The following MCUB variants were observed in gnomAD, a reference collection of about 807,000 sequenced individuals.
The protein encoded by MCUB is mitochondrial calcium uniporter dominant negative subunit beta.
A neutral mutation model predicts 41.4 loss-of-function variants in MCUB; 46 were observed. The ratio of observed to expected loss-of-function variants is 1.11; its 90% confidence interval spans 0.88 to 1.42. The LOEUF (loss-of-function observed/expected upper bound fraction) is 1.42. Among genes scored for constraint, MCUB ranks in the 40% most tolerant of loss-of-function variants. The pLI, the probability that MCUB is intolerant of heterozygous loss-of-function variation, is 0.00. For missense variants in MCUB, 403 were observed against 404.9 expected, an observed-to-expected ratio of 1.00 and a Z score of 0.04; for synonymous variants, 148 against 148.2, an observed-to-expected ratio of 1.00 and a Z score of 0.01.
At chr4:109,583,394 T>C (rs574029000) in intron 1 of MCUB, among the ~76,000 whole-genome samples, 1 of 152,296 alleles carries the variant, frequency 6.6e-6, no homozygotes, top group South Asian at 2.1e-4. Flanking sequence ...ATGCTGGTGA[T>C]TTTTGCACAT....
At chr4:109,606,119 C>A (rs925314540) in intron 1 of MCUB, among the ~76,000 whole-genome samples, 1 of 152,114 alleles carries the variant, frequency 6.6e-6, no homozygotes, top group Non-Finnish European at 1.5e-5. Context: ...GGACTACAGG[C>A]ACCTGCCACC....
chr4:109,661,483 C>T (rs1486461993), intron 3 of MCUB, among the ~76,000 whole-genome samples: 4 of 152,088 alleles, frequency 2.6e-5, no homozygotes, highest in Non-Finnish European at 1.5e-5. Context: ...ATTTATTGAG[C>T]ACCTAATGTA....
At chr4:109,637,860 C>A (rs1484967319) in intron 1 of MCUB, among the ~76,000 whole-genome samples, 1 of 152,030 alleles carries the variant, frequency 6.6e-6, no homozygotes, top group Non-Finnish European at 1.5e-5. Context: ...ATTCATGTAA[C>A]CAAATACGAC....
At chr4:109,620,409 G>A (rs1173220310) in intron 1 of MCUB, among the ~76,000 whole-genome samples, 1 of 150,784 alleles carries the variant, frequency 6.6e-6, no homozygotes, top group Non-Finnish European at 1.5e-5. Flanking sequence ...TTATTCAATT[G>A]TATCATAGAA....
chr4:109,628,808 G>C (rs1728415141), intron 1 of MCUB, among the ~76,000 whole-genome samples: 1 of 152,204 alleles, frequency 6.6e-6, no homozygotes, highest in South Asian at 2.1e-4. Context: ...GGTTAAGGAC[G>C]TGGGCGCAGG....
In MCUB at chr4:109,684,594, T is replaced by A. The variant is rs1399608811; in HGVS notation, c.764T>A (p.Ile255Asn). Residue 255 changes from isoleucine (I) to asparagine (N), a missense_variant, in exon 6 of 8, where the codon ATC becomes AAC. Coordinates refer to ENST00000394650, the MANE Select transcript of MCUB (RefSeq NM_017918.5). ...WDIMEPVTYFITFANSMVFFA... is the reference protein window; with the variant it reads ...WDIMEPVTYFNTFANSMVFFA... ...ATCATGGAGCCAGTTACATACTTCA[T>A]CACATTTGCAAATTCTATGGTCTTT... The A allele has an allele frequency of 6.2e-7, 1 of 1,600,922 alleles. No homozygotes were observed. The highest frequency in any genetic ancestry group is 2.2e-5 in the East Asian group (1 of 44,848).
At chr4:109,674,033 G>A (rs374707910) in intron 4 of MCUB, 30 of 1,312,260 alleles carry the variant, frequency 2.3e-5, no homozygotes, top group African/African-American at 1.7e-4. Flanking sequence ...ATCCACATGC[G>A]TGTGGTAGCC....
intron 5 of MCUB, 96 bp from the exon 6 acceptor site, chr4:109,684,347 C>A: frequency 1.0e-6 from 1 of 956,708 alleles, no homozygotes. Flanking sequence ...CAGGCGTGAG[C>A]CACCGCGCCC....
At chr4:109,618,751 A>G (rs147198721) in intron 1 of MCUB, among the ~76,000 whole-genome samples, 1 of 143,922 alleles carries the variant, frequency 6.9e-6, no homozygotes, top group East Asian at 2.0e-4. Context: ...AGTAAATACC[A>G]TTAGTCTTTA....
intron 1 of MCUB, among the ~76,000 whole-genome samples, chr4:109,580,590 C>T (rs113885704): frequency 0.018 from 2,747 of 152,184 alleles, 61 homozygotes; most frequent in South Asian, 0.072. Flanking sequence ...TGTGAGATGG[C>T]ATCTCATTGT....
At chr4:109,590,403 G>A (rs755510732) in intron 1 of MCUB, among the ~76,000 whole-genome samples, 4 of 152,064 alleles carry the variant, frequency 2.6e-5, no homozygotes, top group South Asian at 2.1e-4. Flanking sequence ...TGCCATTTCC[G>A]TGTGTTATCT....
rs3796910 is a variant in MCUB at position 109,662,129 on chromosome 4, T to C, written c.346+1764T>C. Reference sequence around the variant, plus strand: ...AGGGCAGATCAGGAAAGGCTTATTGTAGGTTGTTGTTAGGACTATAGATTT... The same window carrying C: ...AGGGCAGATCAGGAAAGGCTTATTGCAGGTTGTTGTTAGGACTATAGATTT... On this transcript the variant is annotated intron_variant, in intron 3 of 7. Coordinates refer to ENST00000394650, the MANE Select transcript of MCUB (RefSeq NM_017918.5). Among the ~76,000 whole-genome samples the C allele has an allele frequency of 3.6e-3, 554 of 152,282 alleles. 7 individuals are homozygous for C. Among genetic ancestry groups the C allele is most frequent in the East Asian group, 0.013 (69 of 5,196 alleles).
intron 1 of MCUB, among the ~76,000 whole-genome samples, chr4:109,616,144 A>G (rs1414874894): frequency 6.6e-6 from 1 of 152,250 alleles, no homozygotes; most frequent in African/African-American, 2.4e-5. Context: ...ACATTTGCAG[A>G]GTGAATAAAT....
At chr4:109,674,796 T>C (rs973062208) in intron 4 of MCUB, among the ~76,000 whole-genome samples, 1 of 152,264 alleles carries the variant, frequency 6.6e-6, no homozygotes, top group African/African-American at 2.4e-5. Flanking sequence ...TTAAATGTCA[T>C]CTTGAAATAG....
At chr4:109,603,526 G>T (rs1027254006) in intron 1 of MCUB, among the ~76,000 whole-genome samples, 2 of 152,102 alleles carry the variant, frequency 1.3e-5, no homozygotes, top group African/African-American at 4.8e-5. Context: ...ACCCCGTCTA[G>T]GAAGTGAGGA....
intron 1 of MCUB, among the ~76,000 whole-genome samples, chr4:109,598,113 G>A (rs1220951284): frequency 6.8e-6 from 1 of 147,824 alleles, no homozygotes; most frequent in Non-Finnish European, 1.5e-5. Context: ...TTCCCAGACT[G>A]GGCAGCCAGG....
chr4:109,584,699 C>T (rs28783825), intron 1 of MCUB, among the ~76,000 whole-genome samples: 2,718 of 152,094 alleles, frequency 0.018, 61 homozygotes, highest in South Asian at 0.071. Flanking sequence ...TCTGCCTTCA[C>T]TTTGTTATTT....
At chr4:109,684,244 A>G (rs1729783544) in intron 5 of MCUB, among the ~76,000 whole-genome samples, 199 bp from the exon 6 acceptor site, 1 of 151,776 alleles carries the variant, frequency 6.6e-6, no homozygotes, top group Non-Finnish European at 1.5e-5. Flanking sequence ...TTGTATTTTT[A>G]GTAGAGACGG....
intron 4 of MCUB, among the ~76,000 whole-genome samples, chr4:109,682,169 A>G (rs1729732189): frequency 6.6e-6 from 1 of 152,226 alleles, no homozygotes; most frequent in Non-Finnish European, 1.5e-5. Context: ...TGGCCTAGGA[A>G]ATCCAGCTAG....
Sources: gnomAD v4.1 joint callset for allele counts (sites outside exome capture counted in the v4.1 genomes callset) on GRCh38, gnomAD v4.1.1 for gene constraint, MANE v1.5 for transcripts, NCBI Gene and HGNC (gene_info 2026-07-23, HGNC 2026-07-21) for gene names.